Variants in CYTH3 observed in about 807,000 individuals in gnomAD.
CYTH3 encodes the protein cytohesin 3.
In CYTH3, 23 loss-of-function variants were observed where a neutral mutation model predicts 55.1. That is an observed-to-expected ratio of 0.42 (90% CI 0.30 to 0.59). The LOEUF is 0.59. Ranked by LOEUF, CYTH3 falls within the 20% of genes least tolerant of loss-of-function variation. The pLI is 0.20. For missense variants in CYTH3, 413 were observed against 524.8 expected (o/e 0.79, Z 2.08); for synonymous variants, 249 against 194.9 (o/e 1.28, Z -2.31).
In CYTH3 at chr7:6,213,280, G is replaced by C. The variant is rs551831481; in HGVS notation, c.35-22749C>G. ...TTATTAGCTCTTTGCAATTAAAAGA[G>C]CTATTTCATTCATTTTCACGGTCTT... On this transcript the variant is annotated intron_variant, in intron 1 of 12. Transcript: ENST00000350796. Among the ~76,000 whole-genome samples the C allele has an allele frequency of 5.3e-5, 8 of 152,324 alleles. No homozygotes were observed. The South Asian group carries it at 1.7e-3, about 32-fold the overall frequency.
chr7:6,247,886 T>C (rs995840036), intron 1 of CYTH3, among the ~76,000 whole-genome samples: 1 of 151,834 alleles, frequency 6.6e-6, no homozygotes. Flanking sequence ...CTCCTGGTCT[T>C]AAACTCCTGG....
intron 1 of CYTH3, among the ~76,000 whole-genome samples, chr7:6,257,672 G>GT (rs1488990322): frequency 6.6e-6 from 1 of 152,218 alleles, no homozygotes; most frequent in East Asian, 1.9e-4. Flanking sequence ...GAGAAAAGGT[G>GT]TTTTTCTCTT....
At chr7:6,190,324 T>TTGTTA (rs1562887958) in intron 2 of CYTH3, 125 bp downstream of exon 2, 2 of 833,230 alleles carry the variant, frequency 2.4e-6, no homozygotes, top group Non-Finnish European at 3.6e-6. Context: ...CATCTTTTTT[T>TTGTTA]TTTGTTATTT....
chr7:6,232,169 A>G (rs17136086), intron 1 of CYTH3, among the ~76,000 whole-genome samples: 1 of 151,948 alleles, frequency 6.6e-6, no homozygotes, highest in Non-Finnish European at 1.5e-5. Flanking sequence ...AACCACCCTT[A>G]AACTCATTCC....
intron 1 of CYTH3, among the ~76,000 whole-genome samples, chr7:6,266,292 T>G (rs1220124341): frequency 6.6e-6 from 1 of 152,186 alleles, no homozygotes; most frequent in Non-Finnish European, 1.5e-5. Flanking sequence ...CATCACCTGC[T>G]AGCTGTGAAA....
intron 4 of CYTH3, among the ~76,000 whole-genome samples, chr7:6,184,867 C>T (rs775214388): frequency 1.3e-5 from 2 of 152,144 alleles, no homozygotes; most frequent in Non-Finnish European, 1.5e-5. Flanking sequence ...CGTAAGCCAC[C>T]GCACCAGGAC....
Position 6,170,462 on chromosome 7 carries a change from C to T in CYTH3, c.823+73G>A. ...GGTGGGGGGCATTCCTACGATGAGC[C>T]TGGGAGGAACCCGAGGGGCTGCTGC... On this transcript the variant is annotated intron_variant, in intron 9 of 12. Coordinates refer to ENST00000350796, the MANE Select transcript of CYTH3 (RefSeq NM_004227.4). The surrounding 1 kb of genome is among the most constrained non-coding windows in gnomAD (Gnocchi z 7.8). 1 of 1,417,158 alleles carries T rather than the reference C, an allele frequency of 7.1e-7. No homozygotes were observed. The highest frequency in any genetic ancestry group is 9.8e-7 in the Non-Finnish European group (1 of 1,022,574). 87.8% of individuals were successfully genotyped at this position (1,417,158 alleles called of 1,614,324 possible). A position where few individuals can be genotyped will look rare whatever the true frequency, so the allele number is the denominator to read the frequency against.
chr7:6,238,992 T>C (rs576347102), intron 1 of CYTH3, among the ~76,000 whole-genome samples: 61 of 152,204 alleles, frequency 4.0e-4, no homozygotes, highest in African/African-American at 8.7e-4. Flanking sequence ...GACGTGCTGA[T>C]TGCTTGAGGC....
At chr7:6,196,029 T>C (rs749564888) in intron 1 of CYTH3, among the ~76,000 whole-genome samples, 4 of 152,184 alleles carry the variant, frequency 2.6e-5, no homozygotes, top group African/African-American at 4.8e-5. Context: ...TGTGTCAGTT[T>C]CATCCTAAAG....
chr7:6,242,654 C>A (rs1436083403), intron 1 of CYTH3, among the ~76,000 whole-genome samples: 1 of 152,090 alleles, frequency 6.6e-6, no homozygotes, highest in Non-Finnish European at 1.5e-5. Flanking sequence ...GGATTACAGG[C>A]GTGAAGAGGG....
Position 6,220,904 on chromosome 7 carries a change from G to A in CYTH3, c.35-30373C>T, listed in dbSNP as rs900701661. Among the ~76,000 whole-genome samples, 7 of 152,014 alleles carry A rather than the reference G, an allele frequency of 4.6e-5. 1 individual carries two copies. The highest frequency in any genetic ancestry group is 2.6e-4 in the Admixed American group (4 of 15,268). On this transcript the variant is annotated intron_variant, in intron 1 of 12. Transcript: ENST00000350796. ...CCAGCCAATTGGGAGGCAGTGGCAG[G>A]AGAATTGCTTGAACACGGGAGGCAA... is the stretch of plus-strand genomic sequence containing the variant.
intron 4 of CYTH3, among the ~76,000 whole-genome samples, chr7:6,181,775 T>C (rs1266841120): frequency 6.6e-6 from 1 of 152,184 alleles, no homozygotes; most frequent in East Asian, 1.9e-4. Context: ...CCGTGCATGT[T>C]TTCTTGTAGG....
In CYTH3 at chr7:6,211,314, T is replaced by A. The variant is rs370724090; in HGVS notation, c.35-20783A>T. 1.1e-4 allele frequency among the ~76,000 whole-genome samples: 17 copies of A among 152,238 alleles called. No individual in the cohort carries two copies. The East Asian group carries it at 1.3e-3, about 12-fold the overall frequency. ...AGACATGGCTGTTGTATTTCTTTCA[T>A]AGCACTTTTTACCCAGAGTGTTTTG... On this transcript the variant is annotated intron_variant, in intron 1 of 12. Coordinates refer to ENST00000350796, the MANE Select transcript of CYTH3 (RefSeq NM_004227.4).
At chr7:6,220,729 C>T (rs1784532169) in intron 1 of CYTH3, among the ~76,000 whole-genome samples, 1 of 152,238 alleles carries the variant, frequency 6.6e-6, no homozygotes, top group African/African-American at 2.4e-5. Flanking sequence ...GGCGCGGTGG[C>T]TCACACCTGT....
At chr7:6,190,392 TTACTCAAAAGCAAAAAACAGAG>T in intron 2 of CYTH3, 35 bp downstream of exon 2, 1 of 1,322,134 alleles carries the variant, frequency 7.6e-7, no homozygotes, top group Non-Finnish European at 9.9e-7. Flanking sequence ...TTTTACTATT[TTACTCAAAAGCAAAAAACAGAG>T]TTTTGGATTT....
chr7:6,259,540 T>C (rs1188807523), intron 1 of CYTH3, among the ~76,000 whole-genome samples: 22 of 150,940 alleles, frequency 1.5e-4, no homozygotes, highest in Non-Finnish European at 1.5e-5. Flanking sequence ...AAATAAATGC[T>C]TGCTGTATTG....
chr7:6,195,018 A>G (rs1032336221), intron 1 of CYTH3, among the ~76,000 whole-genome samples: 13 of 151,996 alleles, frequency 8.6e-5, no homozygotes, highest in African/African-American at 3.1e-4. Context: ...GAAAAAAGAA[A>G]GAGACAAATG....
At chr7:6,221,269 G>A (rs191679079) in intron 1 of CYTH3, among the ~76,000 whole-genome samples, 1 of 152,188 alleles carries the variant, frequency 6.6e-6, no homozygotes, top group Admixed American at 6.5e-5. Context: ...TGGTTGGATT[G>A]TAAGGGCATT....
At position 6,171,403 on chromosome 7, in the gene CYTH3, G is replaced by A. The variant is rs1044341414; in HGVS notation, c.450-89C>T. 4 of 1,240,074 alleles carry A rather than the reference G, an allele frequency of 3.2e-6. No homozygotes were observed. Among genetic ancestry groups the A allele is most frequent in the Admixed American group, 1.9e-5 (1 of 53,316 alleles). The allele number at this position is 1,240,074 out of a possible 1,614,324, so 76.8% of individuals were successfully genotyped here. ...GGCTTCTGCCCAGCTCAGGAAGGAC[G>A]TTTTCCTCCCGAGCCTGGGGTACAG... is the stretch of plus-strand genomic sequence containing the variant. On this transcript the variant is annotated intron_variant, in intron 6 of 12. Transcript: ENST00000350796. This position sits in a 1 kb window ranked among gnomAD's most constrained non-coding sequence, Gnocchi z 6.7.
Sources: allele counts gnomAD v4.1 joint callset (sites outside exome capture counted in the v4.1 genomes callset), GRCh38; gene constraint gnomAD v4.1.1; non-coding constraint Gnocchi (gnomAD v3.1); transcripts MANE v1.5; gene names NCBI Gene and HGNC (gene_info 2026-07-23, HGNC 2026-07-21).